Variants in FGF14 observed in about 807,000 individuals in gnomAD.
The protein encoded by FGF14 is fibroblast growth factor 14, also known as fibroblast growth factor homologous factor 4.
In FGF14, 5 loss-of-function variants were observed where a neutral mutation model predicts 25.5. The observed-to-expected ratio is 0.20, with a 90% CI of 0.10 to 0.41. FGF14 has a LOEUF of 0.41. Ranked by LOEUF, FGF14 falls within the 10% of genes least tolerant of loss-of-function variation. FGF14 has a pLI of 1.00. For missense variants in FGF14, 222 were observed against 320.1 expected, an observed-to-expected ratio of 0.69 and a Z score of 2.34; for synonymous variants, 138 against 118.3, an observed-to-expected ratio of 1.17 and a Z score of -1.08.
intron 1 of FGF14, among the ~76,000 whole-genome samples, chr13:101,935,591 T>C (rs560846889): frequency 1.3e-5 from 2 of 152,354 alleles, no homozygotes; most frequent in South Asian, 4.1e-4. Flanking sequence ...TTCTCTTTCC[T>C]GCTGCCCTGT....
At chr13:102,066,225 G>A (rs2042898728) in intron 1 of FGF14, among the ~76,000 whole-genome samples, 1 of 152,004 alleles carries the variant, frequency 6.6e-6, no homozygotes, top group African/African-American at 2.4e-5. Context: ...AATTCATAGT[G>A]GTAATATTAT....
chr13:101,744,374 C>A (rs2036748848), intron 3 of FGF14, among the ~76,000 whole-genome samples: 1 of 152,058 alleles, frequency 6.6e-6, no homozygotes, highest in Non-Finnish European at 1.5e-5. Flanking sequence ...GACCTTCTGG[C>A]TTATGTAGTT....
At chr13:102,014,581 C>A (rs2040241555) in intron 1 of FGF14, among the ~76,000 whole-genome samples, 1 of 152,066 alleles carries the variant, frequency 6.6e-6, no homozygotes, top group African/African-American at 2.4e-5. Context: ...TCAATTAAAT[C>A]AAGAGTTACA....
intron 3 of FGF14, among the ~76,000 whole-genome samples, chr13:101,763,369 G>A (rs1476505805): frequency 1.3e-5 from 2 of 152,182 alleles, no homozygotes; most frequent in Non-Finnish European, 2.9e-5. Context: ...AATATGTAAT[G>A]TACTCAACCC....
At chr13:102,401,625 G>C (rs763709315) in exon 1 of FGF14, 3 of 1,614,002 alleles carry the variant, frequency 1.9e-6, no homozygotes, top group Non-Finnish European at 2.5e-6. Flanking sequence ...CCTTGTGGTT[G>C]CATAATAATA....
At chr13:101,802,848 T>C (rs1196203409) in intron 3 of FGF14, among the ~76,000 whole-genome samples, 1 of 152,132 alleles carries the variant, frequency 6.6e-6, no homozygotes, top group Non-Finnish European at 1.5e-5. Context: ...TGTACATACA[T>C]ATCTTTTGTA....
At chr13:101,794,781 C>T (rs1438419257) in intron 3 of FGF14, among the ~76,000 whole-genome samples, 1 of 152,048 alleles carries the variant, frequency 6.6e-6, no homozygotes, top group Non-Finnish European at 1.5e-5. Context: ...AACAATAGCT[C>T]GTGTTCAAGG....
intron 3 of FGF14, among the ~76,000 whole-genome samples, chr13:101,803,068 G>C (rs1252883965): frequency 6.6e-6 from 1 of 152,062 alleles, no homozygotes; most frequent in African/African-American, 2.4e-5. Context: ...CTGGACAAAG[G>C]GGGTCAGCTG....
chr13:102,343,331 T>C (rs1194005139), intron 1 of FGF14, among the ~76,000 whole-genome samples: 2 of 152,136 alleles, frequency 1.3e-5, no homozygotes, highest in African/African-American at 4.8e-5. Flanking sequence ...CTGGGGAGGA[T>C]GAACAGAGAC....
chr13:101,731,039 GTTTT>G (rs2035773932), intron 3 of FGF14, among the ~76,000 whole-genome samples: 1 of 152,088 alleles, frequency 6.6e-6, no homozygotes, highest in Admixed American at 6.6e-5. Context: ...CTTAGTTTTT[GTTTT>G]TCAACCTTGA....
intron 3 of FGF14, among the ~76,000 whole-genome samples, chr13:101,755,601 C>T (rs2037594806): frequency 6.6e-6 from 1 of 152,170 alleles, no homozygotes; most frequent in African/African-American, 2.4e-5. Flanking sequence ...AATTTGATCT[C>T]AAACTGGAGA....
intron 1 of FGF14, among the ~76,000 whole-genome samples, chr13:102,165,861 G>T (rs1265847039): frequency 4.0e-5 from 6 of 151,564 alleles, no homozygotes; most frequent in African/African-American, 1.5e-4. Flanking sequence ...GCCAGAGGCT[G>T]GAGGAAAGGG....
chr13:102,239,091 A>C (rs150586891), intron 1 of FGF14, among the ~76,000 whole-genome samples: 1 of 152,138 alleles, frequency 6.6e-6, no homozygotes, highest in African/African-American at 2.4e-5. Flanking sequence ...AAAAAACAAA[A>C]AACAAAAAAC....
intron 1 of FGF14, among the ~76,000 whole-genome samples, chr13:102,352,166 A>C (rs2057298757): frequency 6.6e-6 from 1 of 151,870 alleles, no homozygotes; most frequent in Non-Finnish European, 1.5e-5. Context: ...TGAGCCTTTG[A>C]AATGTACTGA....
At chr13:101,812,631 ATATATATATATATATATATATATTT>A (rs2041597270) in intron 3 of FGF14, among the ~76,000 whole-genome samples, 4 of 8,988 alleles carry the variant, frequency 4.5e-4, no homozygotes, top group East Asian at 1.6e-3. Flanking sequence ...ATATATATAT[ATATATATATATATATATATATATTT>A]TTTTTTTTTT....
chr13:102,371,209 T>C (rs1343076724), intron 1 of FGF14, among the ~76,000 whole-genome samples: 1 of 152,174 alleles, frequency 6.6e-6, no homozygotes, highest in Admixed American at 6.6e-5. Flanking sequence ...TATAACCTGA[T>C]ACAAAATGTT....
chr13:102,006,585 C>T (rs1168905828), intron 1 of FGF14, among the ~76,000 whole-genome samples: 2 of 151,974 alleles, frequency 1.3e-5, no homozygotes, highest in Non-Finnish European at 2.9e-5. Flanking sequence ...TTTTTTGTTC[C>T]ACCCAAGCAC....
intron 1 of FGF14, among the ~76,000 whole-genome samples, chr13:101,996,137 T>G (rs889735387): frequency 1.3e-5 from 2 of 152,146 alleles, no homozygotes; most frequent in Non-Finnish European, 2.9e-5. Context: ...ACACATACTG[T>G]GTACCCACAA....
Position 101,716,494 on chromosome 13 carries a change from T to G in FGF14, c.*6337A>C, listed in dbSNP as rs1446466490. The G allele has an allele frequency of 6.6e-6, 1 of 152,208 alleles. No individual in the cohort carries two copies. Among genetic ancestry groups the G allele is most frequent in the Non-Finnish European group, 1.5e-5 (1 of 68,040 alleles). The allele number at this position is 152,208 out of a possible 1,614,324, so 9.4% of individuals were successfully genotyped here. On this transcript the variant is annotated 3_prime_UTR_variant, in exon 5 of 5. Transcript: ENST00000376143. Reference sequence around the variant, plus strand: ...ACTGATAATTAAAAATGAATTGTTATTCAGGGATATCTATTTTAGGTTTCT... The same window carrying G: ...ACTGATAATTAAAAATGAATTGTTAGTCAGGGATATCTATTTTAGGTTTCT...
Sources: gnomAD v4.1 joint callset for allele counts (sites outside exome capture counted in the v4.1 genomes callset) on GRCh38, gnomAD v4.1.1 for gene constraint, MANE v1.5 for transcripts, NCBI Gene and HGNC (gene_info 2026-07-23, HGNC 2026-07-21) for gene names.